MYSM1: variants seen among roughly 807,000 people sequenced by gnomAD.
MYSM1 encodes the protein deubiquitinase MYSM1.
In MYSM1, 51 loss-of-function variants were observed where a neutral mutation model predicts 116.0. That is an observed-to-expected ratio of 0.44 (90% confidence interval 0.35 to 0.56). The LOEUF is 0.56. Among genes scored for constraint, MYSM1 ranks in the 20% least tolerant of loss-of-function variants. The pLI is 0.00. For synonymous variants in MYSM1, 313 were observed against 315.2 expected, an observed-to-expected ratio of 0.99 and a Z score of 0.07; for missense variants, 900 against 974.9, an observed-to-expected ratio of 0.92 and a Z score of 1.02.
chr1:58,688,050 GATTA>G (rs1644854226), intron 6 of MYSM1, among the ~76,000 whole-genome samples: 2 of 151,552 alleles, frequency 1.3e-5, no homozygotes, highest in South Asian at 2.1e-4. Flanking sequence ...TTAAATAAAT[GATTA>G]ATTAAAGTTA....
chr1:58,686,779 T>C (rs938265797), intron 6 of MYSM1, among the ~76,000 whole-genome samples: 1 of 151,870 alleles, frequency 6.6e-6, no homozygotes, highest in Non-Finnish European at 1.5e-5. Flanking sequence ...TGGATTAAGA[T>C]ATGATTAGTA....
intron 15 of MYSM1, 23 bp from the exon 16 acceptor site, chr1:58,667,249 T>C (rs1352520426): frequency 6.9e-7 from 1 of 1,439,060 alleles, no homozygotes; most frequent in Non-Finnish European, 9.2e-7. Flanking sequence ...GATCCTCAAA[T>C]GATTATACTA....
chr1:58,670,560 T>C (rs1004100353), intron 12 of MYSM1, among the ~76,000 whole-genome samples: 33 of 152,346 alleles, frequency 2.2e-4, no homozygotes, highest in Admixed American at 2.0e-3. Context: ...GTAGACCTTA[T>C]TGTAGACACT....
intron 12 of MYSM1, among the ~76,000 whole-genome samples, chr1:58,671,645 A>G (rs1057262612): frequency 6.6e-6 from 1 of 152,168 alleles, no homozygotes; most frequent in Non-Finnish European, 1.5e-5. Flanking sequence ...GGGCCCCTTT[A>G]CAACATATGT....
chr1:58,691,096 G>A (rs913480810), intron 3 of MYSM1, among the ~76,000 whole-genome samples: 14 of 151,928 alleles, frequency 9.2e-5, no homozygotes, highest in Admixed American at 2.6e-4. Flanking sequence ...TGGCTAACAC[G>A]GTGAAACCCC....
rs759424740 is a variant in MYSM1 at position 58,671,911 on chromosome 1, G to T, written c.1620C>A (p.Gly540=). The change falls in exon 12 of 20, where the codon GGC becomes GGA. Residue 540 remains glycine (G), a synonymous_variant. Transcript: ENST00000472487. ...ELAKRREEEK[G]RPVKSLKVPR... is the part of the protein sequence containing the mutation. Reference sequence around the variant, plus strand: ...GCACTTTTAAAGATTTAACAGGTCTGCCTTTTTCCTCTTCTCTTCTTTTTG... The same window carrying T: ...GCACTTTTAAAGATTTAACAGGTCTTCCTTTTTCCTCTTCTCTTCTTTTTG... 1.2e-6 allele frequency: 2 copies of T among 1,613,404 alleles called. No individual in the cohort carries two copies. Among genetic ancestry groups the T allele is most frequent in the Non-Finnish European group, 1.7e-6 (2 of 1,179,668 alleles).
Position 58,681,986 on chromosome 1 carries a change from T to C in MYSM1, c.1058A>G (p.Asn353Ser), listed in dbSNP as rs376074310. The change falls in exon 8 of 20, where the codon AAT becomes AGT. Residue 353 changes from asparagine to serine, a missense_variant. Transcript: ENST00000472487. Reference sequence around the variant, plus strand: ...TTGGCAAGAATGAAAAAGCATTTCATTATCATTCAAATTTTTCTGAATTTC... The same window carrying C: ...TTGGCAAGAATGAAAAAGCATTTCACTATCATTCAAATTTTTCTGAATTTC... ...PCEIQKNLNDNEMLFHSCQMV... is the reference protein window; with the variant it reads ...PCEIQKNLNDSEMLFHSCQMV... The C allele has an allele frequency of 2.5e-6, 4 of 1,614,012 alleles. No homozygotes were observed. In the African/African-American group the frequency reaches 5.3e-5, roughly 22 times the overall value.
chr1:58,684,219 A>G (rs1644791533), intron 7 of MYSM1, among the ~76,000 whole-genome samples: 1 of 152,180 alleles, frequency 6.6e-6, no homozygotes, highest in Admixed American at 6.5e-5. Flanking sequence ...ATTTCACTCA[A>G]GACACTTACC....
At position 58,691,978 on chromosome 1, in the gene MYSM1, A is replaced by G. The variant is rs137879648; in HGVS notation, c.218+883T>C. On this transcript the variant is annotated intron_variant, in intron 3 of 19. Coordinates refer to ENST00000472487, the MANE Select transcript of MYSM1 (RefSeq NM_001085487.3). ...AAATGTTAAAATGAGAATATTTTAA[A>G]TATTTTAGGTTATATAATATATAGT... 7.9e-5 allele frequency among the ~76,000 whole-genome samples: 12 copies of G among 152,332 alleles called. No homozygotes were observed. The East Asian group carries it at 2.3e-3, about 29-fold the overall frequency.
In MYSM1 at chr1:58,689,110, G is replaced by T; in HGVS notation, c.327C>A (p.His109Gln). ...AGTAACTGGCTGGTTTTGTAGGAGA[G>T]TGTACCCTGAGGGGAAAAAAAGGAA... ...SLQKTAKIMVHSPTKPASYSV... is the reference protein window; with the variant it reads ...SLQKTAKIMVQSPTKPASYSV... Residue 109 changes from histidine (H) to glutamine (Q), a missense_variant, in exon 6 of 20, where the codon CAC becomes CAA. This residue lies in a region of MYSM1 where 622 missense variants were observed against 623.7 expected (regional missense o/e 1.00). Transcript: ENST00000472487. 6.3e-7 allele frequency: 1 copy of T among 1,599,312 alleles called. No individual in the cohort carries two copies. Among genetic ancestry groups the T allele is most frequent in the Non-Finnish European group, 8.5e-7 (1 of 1,176,788 alleles).
intron 12 of MYSM1, among the ~76,000 whole-genome samples, chr1:58,671,640 C>A (rs993193313): frequency 6.6e-6 from 1 of 151,998 alleles, no homozygotes; most frequent in Admixed American, 6.6e-5. Flanking sequence ...AAACAGGGCC[C>A]CTTTACAACA....
chr1:58,675,165 C>A (rs546179270), intron 10 of MYSM1, among the ~76,000 whole-genome samples: 2 of 151,700 alleles, frequency 1.3e-5, no homozygotes, highest in African/African-American at 4.8e-5. Context: ...AAAAACTGAA[C>A]TATATATTTT....
chr1:58,691,188 G>A (rs993959562), intron 3 of MYSM1, among the ~76,000 whole-genome samples: 3 of 143,092 alleles, frequency 2.1e-5, no homozygotes, highest in Non-Finnish European at 3.1e-5. Flanking sequence ...GCTGAGGCAG[G>A]AGAATGGAGT....
intron 9 of MYSM1, 53 bp downstream of exon 9, chr1:58,676,873 C>A: frequency 6.3e-7 from 1 of 1,579,790 alleles, no homozygotes; most frequent in Non-Finnish European, 8.6e-7. Context: ...TGAATAAGTG[C>A]TGTAAGGATA....
intron 17 of MYSM1, among the ~76,000 whole-genome samples, chr1:58,664,636 T>G (rs1368261374): frequency 6.6e-6 from 1 of 152,146 alleles, no homozygotes; most frequent in African/African-American, 2.4e-5. Context: ...CCAAGAGAGA[T>G]CATTAAGAAT....
At chr1:58,686,529 G>T (rs1348883334) in intron 6 of MYSM1, among the ~76,000 whole-genome samples, 1 of 152,162 alleles carries the variant, frequency 6.6e-6, no homozygotes, top group Non-Finnish European at 1.5e-5. Context: ...TCTCACCCAA[G>T]TGATAAACCT....
chr1:58,673,165 C>T (rs1483415332), intron 11 of MYSM1, among the ~76,000 whole-genome samples: 2 of 152,266 alleles, frequency 1.3e-5, no homozygotes, highest in East Asian at 3.9e-4. Flanking sequence ...CACATTCTAT[C>T]CATTCTACTG....
chr1:58,673,504 A>G, intron 11 of MYSM1, 69 bp downstream of exon 11: 1 of 1,218,658 alleles, frequency 8.2e-7, no homozygotes. Flanking sequence ...TACATATGAC[A>G]TTAAGATGTA....
chr1:58,674,060 C>G (rs1644606028), intron 10 of MYSM1, among the ~76,000 whole-genome samples: 1 of 152,098 alleles, frequency 6.6e-6, no homozygotes, highest in Non-Finnish European at 1.5e-5. Flanking sequence ...GACGGAGTCT[C>G]ACTGTGTCGC....
Sources: gnomAD v4.1 joint callset for allele counts (sites outside exome capture counted in the v4.1 genomes callset) on GRCh38, gnomAD v4.1.1 for gene constraint, gnomAD v4.1.1 regional missense constraint, MANE v1.5 for transcripts, NCBI Gene and HGNC (gene_info 2026-07-23, HGNC 2026-07-21) for gene names.